Variants in CNBD1 observed in about 807,000 individuals in gnomAD.
CNBD1 encodes cyclic nucleotide binding domain containing 1, also known as cyclic nucleotide-binding domain-containing protein 1.
CNBD1 carries 71 observed loss-of-function variants against 54.4 expected under a neutral mutation model. The ratio of observed to expected loss-of-function variants is 1.30; its 90% CI spans 1.08 to 1.59. The LOEUF is 1.59. Ranked by LOEUF, CNBD1 falls within the 40% of genes most tolerant of loss-of-function variation. The probability of loss-of-function intolerance (pLI) is 0.00; values close to 1 mark genes in which losing one functional copy is unlikely to be tolerated. For synonymous variants in CNBD1, 182 were observed against 170.7 expected, an observed-to-expected ratio of 1.07 and a Z score of -0.51; for missense variants, 659 against 518.0, an observed-to-expected ratio of 1.27 and a Z score of -2.64.
chr8:87,264,706 T>C (rs1466018887), intron 6 of CNBD1, among the ~76,000 whole-genome samples: 3 of 152,154 alleles, frequency 2.0e-5, no homozygotes, highest in Non-Finnish European at 4.4e-5. Context: ...TGGTGTGAGA[T>C]GATATCTCAT....
intron 4 of CNBD1, among the ~76,000 whole-genome samples, chr8:87,169,249 C>A (rs1355676016): frequency 2.6e-5 from 4 of 151,998 alleles, no homozygotes; most frequent in Non-Finnish European, 5.9e-5. Context: ...CTATTCAGAT[C>A]TTTTGACCAT....
intron 2 of CNBD1, among the ~76,000 whole-genome samples, chr8:87,411,334 C>A (rs527968536): frequency 3.5e-5 from 5 of 144,392 alleles, no homozygotes; most frequent in African/African-American, 1.3e-4. Context: ...CCACAAAAGT[C>A]CACTTTTTTG....
intron 4 of CNBD1, among the ~76,000 whole-genome samples, chr8:87,005,855 G>C (rs1188149012): frequency 6.6e-6 from 1 of 152,036 alleles, no homozygotes; most frequent in Admixed American, 6.6e-5. Context: ...TGGGAGATGG[G>C]GTGCTCTATC....
chr8:87,041,773 C>T (rs1007374456), intron 4 of CNBD1, among the ~76,000 whole-genome samples: 41 of 151,882 alleles, frequency 2.7e-4, no homozygotes, highest in Admixed American at 1.9e-3. Context: ...CACTCCAGCC[C>T]GAGCGACAGA....
intron 5 of CNBD1, among the ~76,000 whole-genome samples, chr8:87,233,526 C>G (rs1807508966): frequency 6.6e-6 from 1 of 152,096 alleles, no homozygotes. Context: ...CTACGTGAAC[C>G]TTCAGTGAAT....
chr8:86,994,983 G>T (rs1037347047), intron 4 of CNBD1, among the ~76,000 whole-genome samples: 1 of 152,110 alleles, frequency 6.6e-6, no homozygotes, highest in African/African-American at 2.4e-5. Flanking sequence ...GGAATCTGAA[G>T]GGGGACAAAG....
chr8:87,267,521 T>C (rs1808286377), intron 6 of CNBD1, among the ~76,000 whole-genome samples: 1 of 152,156 alleles, frequency 6.6e-6, no homozygotes, highest in African/African-American at 2.4e-5. Context: ...AGAAATCGTA[T>C]CCATAGTCAT....
In CNBD1 at chr8:87,027,245, G is replaced by C. The variant is rs563692147; in HGVS notation, c.431+87491G>C. 1.2e-3 allele frequency among the ~76,000 whole-genome samples: 184 copies of C among 152,156 alleles called. 1 individual carries two copies. Among genetic ancestry groups the C allele is most frequent in the African/African-American group, 4.3e-3 (177 of 41,518 alleles). Reference sequence around the variant, plus strand: ...GTGAACCAACATTTTGGGTAAAACAGCTCCCATGGCAGTTTTATTTTTATT... The same window carrying C: ...GTGAACCAACATTTTGGGTAAAACACCTCCCATGGCAGTTTTATTTTTATT... On this transcript the variant is annotated intron_variant, in intron 4 of 10. Transcript: ENST00000518476.
At chr8:87,390,933 C>G (rs191202799) in intron 2 of CNBD1, among the ~76,000 whole-genome samples, 2 of 152,240 alleles carry the variant, frequency 1.3e-5, no homozygotes, top group South Asian at 2.1e-4. Flanking sequence ...GAGTTCATAT[C>G]CTTTGTAGGG....
At chr8:87,329,612 C>T (rs1388378503) in intron 8 of CNBD1, among the ~76,000 whole-genome samples, 2 of 152,020 alleles carry the variant, frequency 1.3e-5, no homozygotes, top group South Asian at 2.1e-4. Context: ...TACAGAAATA[C>T]ATTTTGTTAG....
chr8:87,128,449 C>CCA (rs1812045272), intron 4 of CNBD1, among the ~76,000 whole-genome samples: 1 of 152,180 alleles, frequency 6.6e-6, no homozygotes, highest in African/African-American at 2.4e-5. Context: ...AACAGATGAG[C>CCA]CACACCCCTG....
At chr8:86,918,904 C>T (rs1298864026) in intron 3 of CNBD1, among the ~76,000 whole-genome samples, 3 of 151,730 alleles carry the variant, frequency 2.0e-5, no homozygotes, top group African/African-American at 7.3e-5. Flanking sequence ...TTCCTAGCCC[C>T]GCCTTTCTGA....
At chr8:87,161,661 T>G (rs1812861162) in intron 4 of CNBD1, among the ~76,000 whole-genome samples, 1 of 152,142 alleles carries the variant, frequency 6.6e-6, no homozygotes, top group Admixed American at 6.6e-5. Flanking sequence ...TTAGGTTGAC[T>G]GAAGAATTCT....
intron 5 of CNBD1, among the ~76,000 whole-genome samples, chr8:87,218,202 A>C (rs1487403766): frequency 1.3e-5 from 2 of 152,198 alleles, no homozygotes; most frequent in East Asian, 3.9e-4. Flanking sequence ...AACATAATTT[A>C]ATCTGCAGTG....
At chr8:87,094,126 G>A (rs1445051875) in intron 4 of CNBD1, among the ~76,000 whole-genome samples, 1 of 152,140 alleles carries the variant, frequency 6.6e-6, no homozygotes, top group Non-Finnish European at 1.5e-5. Flanking sequence ...TGTGGGTGGG[G>A]CAGGTCCACT....
At chr8:87,191,304 T>C (rs1813604852) in intron 4 of CNBD1, among the ~76,000 whole-genome samples, 1 of 152,062 alleles carries the variant, frequency 6.6e-6, no homozygotes, top group African/African-American at 2.4e-5. Flanking sequence ...CAGAGAGAAC[T>C]AGGGGAATCA....
intron 2 of CNBD1, among the ~76,000 whole-genome samples, chr8:87,424,435 A>G (rs1017338662): frequency 2.6e-5 from 4 of 152,116 alleles, no homozygotes; most frequent in Non-Finnish European, 2.9e-5. Flanking sequence ...TTCCCTCTAC[A>G]CACTGCTTTG....
chr8:87,373,139 T>C (rs1170547305), intron 10 of CNBD1, among the ~76,000 whole-genome samples: 1 of 151,756 alleles, frequency 6.6e-6, no homozygotes, highest in Non-Finnish European at 1.5e-5. Flanking sequence ...AAATTGGAAG[T>C]TGTGGGTTTA....
intron 4 of CNBD1, among the ~76,000 whole-genome samples, chr8:87,192,031 T>C (rs1465555996): frequency 2.0e-5 from 3 of 152,180 alleles, no homozygotes; most frequent in Non-Finnish European, 2.9e-5. Context: ...TTGAGAATAA[T>C]TTTAAAAAAT....
Sources: allele counts gnomAD v4.1 joint callset (sites outside exome capture counted in the v4.1 genomes callset), GRCh38; gene constraint gnomAD v4.1.1; transcripts MANE v1.5; gene names NCBI Gene and HGNC (gene_info 2026-07-23, HGNC 2026-07-21).